KLHL21: variants seen among roughly 807,000 people sequenced by gnomAD.
KLHL21 encodes kelch like family member 21.
In KLHL21, 42 loss-of-function variants were observed where a neutral mutation model predicts 44.1. The observed-to-expected ratio is 0.95, with a 90% confidence interval of 0.74 to 1.23. The LOEUF is 1.23. KLHL21 is among the 50% of genes most tolerant of loss of function. The pLI, the probability that KLHL21 is intolerant of heterozygous loss-of-function variation, is 0.00. For missense variants in KLHL21, 918 were observed against 889.1 expected, an observed-to-expected ratio of 1.03 and a Z score of -0.41; for synonymous variants, 524 against 411.6, an observed-to-expected ratio of 1.27 and a Z score of -3.31.
intron 1 of KLHL21, among the ~76,000 whole-genome samples, chr1:6,600,289 A>G (rs12124126): frequency 0.28 from 42,690 of 151,974 alleles, 6,820 homozygotes; most frequent in South Asian, 0.47. Flanking sequence ...GAAGTGATCC[A>G]CCCACCTTGA....
intron 1 of KLHL21, 25 bp downstream of exon 1, chr1:6,601,772 C>G (rs374099492): frequency 9.8e-6 from 15 of 1,529,408 alleles, no homozygotes; most frequent in South Asian, 2.4e-5. Context: ...CCCCAGAGAG[C>G]CTGCCCAGCC....
In KLHL21 at chr1:6,599,087, G is replaced by C. The variant is rs777970597; in HGVS notation, c.1387C>G (p.Pro463Ala). ...AGTCCGTTTAGAGTCGCAGTCTTGG[G>C]GGCGAAGGACCAGGGCGGGAGCTGG... ...CGQLPPWSFA[P>A]KTATLNGLMY... The change falls in exon 2 of 4, where the codon CCC becomes GCC. Residue 463 changes from proline (P) to alanine (A), a missense_variant. Coordinates refer to ENST00000377658, the MANE Select transcript of KLHL21 (RefSeq NM_014851.4). 2.5e-5 allele frequency: 41 copies of C among 1,608,368 alleles called. No homozygotes were observed. In the South Asian group the frequency reaches 3.7e-4, roughly 14 times the overall value.
intron 3 of KLHL21, 140 bp downstream of exon 3, chr1:6,595,345 A>G: frequency 1.3e-6 from 1 of 765,644 alleles, no homozygotes; most frequent in Non-Finnish European, 2.3e-6. Context: ...GTGCAAAATA[A>G]GGGTAAGAGC....
intron 1 of KLHL21, among the ~76,000 whole-genome samples, chr1:6,601,287 C>T (rs1288126153): frequency 2.6e-5 from 4 of 152,158 alleles, no homozygotes; most frequent in East Asian, 1.9e-4. Flanking sequence ...AGCCTAAACA[C>T]CATGTGACCA....
At chr1:6,597,180 C>T (rs7521134) in intron 2 of KLHL21, among the ~76,000 whole-genome samples, 41,943 of 152,116 alleles carry the variant, frequency 0.28, 6,170 homozygotes, top group Middle Eastern at 0.34. Context: ...TCCTCCCACA[C>T]GTGCAAGTGG....
chr1:6,601,919 T>G lies in KLHL21; in HGVS notation c.899A>C (p.Glu300Ala). 1 of 1,562,996 alleles carries G rather than the reference T, an allele frequency of 6.4e-7. No individual in the cohort carries two copies. The highest frequency in any genetic ancestry group is 8.7e-7 in the Non-Finnish European group (1 of 1,154,378). Residue 300 changes from glutamate to alanine, a missense_variant, in exon 1 of 4, where the codon GAG becomes GCG. Transcript: ENST00000377658. Reference protein sequence around the residue: ...LVGGCDQDCDELVTVDCYNPQ... With the variant: ...LVGGCDQDCDALVTVDCYNPQ... ...GTTGTAGCAGTCGACAGTGACCAGC[T>G]CGTCACAGTCCTGGTCGCAGCCGCC... is the stretch of plus-strand genomic sequence containing the variant.
rs375684978 is a variant in KLHL21 at position 6,601,910 on chromosome 1, G to A, written c.908C>T (p.Thr303Ile). The change falls in exon 1 of 4, where the codon ACT becomes ATT. Residue 303 changes from threonine to isoleucine, a missense_variant. Physicochemically the swap from Thr to Ile is moderately conservative, Grantham distance 89 (BLOSUM62 -1). Transcript: ENST00000377658. ...GCDQDCDELV[T>I]VDCYNPQTGQ... Reference sequence around the variant, plus strand: ...CGTCTGCGGGTTGTAGCAGTCGACAGTGACCAGCTCGTCACAGTCCTGGTC... The same window carrying A: ...CGTCTGCGGGTTGTAGCAGTCGACAATGACCAGCTCGTCACAGTCCTGGTC... 1.9e-6 allele frequency: 3 copies of A among 1,564,826 alleles called. No individual in the cohort carries two copies. Among genetic ancestry groups the A allele is most frequent in the Non-Finnish European group, 2.6e-6 (3 of 1,155,526 alleles).
Position 6,599,268 on chromosome 1 carries a change from C to G in KLHL21, c.1206G>C (p.Trp402Cys). Reference protein sequence around the residue: ...TERYDHTTDSWEALQPMTYPM... With the variant: ...TERYDHTTDSCEALQPMTYPM... ...GGTAGGTCATGGGCTGCAGGGCCTC[C>G]CAGGAGTCAGTGGTGTGGTCATAGC... Residue 402 changes from tryptophan (W) to cysteine (C), a missense_variant, in exon 2 of 4, where the codon TGG (tryptophan) becomes TGC (cysteine). Transcript: ENST00000377658. 6.2e-7 allele frequency: 1 copy of G among 1,614,034 alleles called. No homozygotes were observed.
intron 2 of KLHL21, among the ~76,000 whole-genome samples, chr1:6,597,294 A>G (rs1570197322): frequency 6.6e-6 from 1 of 152,204 alleles, no homozygotes; most frequent in South Asian, 2.1e-4. Context: ...TCCCTGGCGC[A>G]CATCTTCACA....
chr1:6,595,424 A>G lies in KLHL21; in HGVS notation c.1500+61T>C, dbSNP rs768209012. ...GATCCCAAACACTCATCACGATGAC[A>G]CTTGGGTTGCAAAATCAGGACCAGC... On this transcript the variant is annotated intron_variant, in intron 3 of 3. Transcript: ENST00000377658. 5 of 1,491,928 alleles carry G rather than the reference A, an allele frequency of 3.4e-6. No homozygotes were observed. In the South Asian group the frequency reaches 5.7e-5, roughly 17 times the overall value. The allele number at this position is 1,491,928 out of a possible 1,614,324, so 92.4% of individuals were successfully genotyped here. A position where few individuals can be genotyped will look rare whatever the true frequency, so the allele number is the denominator to read the frequency against.
chr1:6,601,835 T>TA lies in KLHL21; in HGVS notation c.982dup (p.Tyr328LeufsTer9). 2.5e-6 allele frequency: 4 copies of TA among 1,586,028 alleles called. No homozygotes were observed. The highest frequency in any genetic ancestry group is 3.4e-6 in the Non-Finnish European group (4 of 1,167,054). On this transcript the variant is annotated frameshift_variant, in exon 1 of 4. Transcript: ENST00000377658. LOFTEE classifies it high-confidence loss of function. ...GTCATTGCCCAGCGCCACGATGCTG[T>TA]AGCCTCCGCCCAGGTGGTCTGGGAA...
At chr1:6,601,226 T>C (rs1395066441) in intron 1 of KLHL21, among the ~76,000 whole-genome samples, 1 of 152,210 alleles carries the variant, frequency 6.6e-6, no homozygotes, top group East Asian at 1.9e-4. Flanking sequence ...GCCAAGTAAC[T>C]GGAAGAAAAC....
chr1:6,593,857 C>A (rs1430434907), intron 3 of KLHL21, 199 bp from the exon 4 acceptor site: 4 of 1,365,076 alleles, frequency 2.9e-6, no homozygotes, highest in Non-Finnish European at 3.8e-6. Context: ...GCAGCTGGGC[C>A]TTCCCTATGG....
chr1:6,598,953 C>G, intron 2 of KLHL21, 94 bp downstream of exon 2: 1 of 1,292,374 alleles, frequency 7.7e-7, no homozygotes. Context: ...AGTTTCTCAT[C>G]TGTGGAAAAG....
At position 6,602,830 on chromosome 1, in the gene KLHL21, A is replaced by C. The variant is rs1006466233; in HGVS notation, c.-13T>G. On this transcript the variant is annotated 5_prime_UTR_variant, in exon 1 of 4. Transcript: ENST00000377658. ...CCGGTCGCTCCATGGCGCCTTCGATAGGTTGTCGAGGACGCCGCGGCCGGG... is the reference window on the plus strand; with the variant it reads ...CCGGTCGCTCCATGGCGCCTTCGATCGGTTGTCGAGGACGCCGCGGCCGGG... 5 of 1,385,560 alleles carry C rather than the reference A, an allele frequency of 3.6e-6. No homozygotes were observed. In the East Asian group the frequency reaches 1.6e-4, roughly 44 times the overall value. 85.8% of individuals were successfully genotyped at this position (1,385,560 alleles called of 1,614,324 possible).
chr1:6,602,827 G>T lies in KLHL21; in HGVS notation c.-10C>A, dbSNP rs1027970365. The T allele has an allele frequency of 4.9e-5, 69 of 1,417,124 alleles. No homozygotes were observed. Among genetic ancestry groups the T allele is most frequent in the Non-Finnish European group, 5.3e-5 (58 of 1,095,284 alleles). The allele number at this position is 1,417,124 out of a possible 1,614,324, so 87.8% of individuals were successfully genotyped here. ...GCGCCGGTCGCTCCATGGCGCCTTC[G>T]ATAGGTTGTCGAGGACGCCGCGGCC... On this transcript the variant is annotated 5_prime_UTR_variant, in exon 1 of 4. Transcript: ENST00000377658.
intron 2 of KLHL21, among the ~76,000 whole-genome samples, chr1:6,598,568 T>C (rs964933182): frequency 7.9e-5 from 12 of 150,958 alleles, no homozygotes; most frequent in Non-Finnish European, 1.6e-4. Flanking sequence ...GAAACTCTTC[T>C]TTTAAAAAAA....
In KLHL21 at chr1:6,602,596, G is replaced by T. The variant is rs770831134; in HGVS notation, c.222C>A (p.Ala74=). The T allele has an allele frequency of 9.2e-6, 14 of 1,527,050 alleles. No homozygotes were observed. The South Asian group carries it at 1.6e-4, about 17-fold the overall frequency. 94.6% of individuals were successfully genotyped at this position (1,527,050 alleles called of 1,614,324 possible). A position where few individuals can be genotyped will look rare whatever the true frequency, so the allele number is the denominator to read the frequency against. Residue 74 remains alanine (A), a synonymous_variant, in exon 1 of 4, where the codon GCC becomes GCA. Transcript: ENST00000377658. The part of the protein sequence containing the change: ...MFAGQLRESR[A]ERVRLHGVPP... ...GCACTCCGTGCAGGCGCACCCGCTCGGCGCGGCTCTCGCGCAGCTGCCCCG... is the reference window on the plus strand; with the variant it reads ...GCACTCCGTGCAGGCGCACCCGCTCTGCGCGGCTCTCGCGCAGCTGCCCCG...
intron 1 of KLHL21, among the ~76,000 whole-genome samples, chr1:6,600,991 G>A (rs554686170): frequency 2.0e-5 from 3 of 152,354 alleles, no homozygotes; most frequent in Non-Finnish European, 2.9e-5. Flanking sequence ...GGGCACAGCA[G>A]CTGTGACATC....
Sources: gnomAD v4.1 joint callset for allele counts (sites outside exome capture counted in the v4.1 genomes callset) on GRCh38, gnomAD v4.1.1 for gene constraint, MANE v1.5 for transcripts, NCBI Gene and HGNC (gene_info 2026-07-23, HGNC 2026-07-21) for gene names.